Variants in SIN3A observed in about 807,000 individuals in gnomAD.
SIN3A encodes the protein SIN3 transcription regulator family member A.
A neutral mutation model predicts 146.1 loss-of-function variants in SIN3A; 14 were observed. The observed-to-expected ratio is 0.10, with a 90% CI of 0.06 to 0.15. The LOEUF is 0.15. Among genes scored for constraint, SIN3A ranks in the 10% least tolerant of loss-of-function variants. SIN3A has a pLI of 1.00. For synonymous variants in SIN3A, 572 were observed against 572.0 expected (o/e 1.00, Z 0.00); for missense variants, 1,028 against 1,576.0 (o/e 0.65, Z 5.89).
At position 75,376,029 on chromosome 15, in the gene SIN3A, T is replaced by G. The variant is rs573001904; in HGVS notation, c.3384-157A>C. ...TCAGTTGTTTCACTGCAAAAAAAAT[T>G]TCAACTGCAAAGGTACACAGAATAA... On this transcript the variant is annotated intron_variant, in intron 19 of 20. Coordinates refer to ENST00000394947, the MANE Select transcript of SIN3A (RefSeq NM_001145358.2). 56 of 701,700 alleles carry G rather than the reference T, an allele frequency of 8.0e-5. 1 individual carries two copies. The East Asian group carries it at 1.4e-3, about 18-fold the overall frequency. 43.5% of individuals were successfully genotyped at this position (701,700 alleles called of 1,614,324 possible).
intron 1 of SIN3A, among the ~76,000 whole-genome samples, chr15:75,433,841 A>G (rs2074056450): frequency 1.3e-5 from 2 of 152,074 alleles, no homozygotes; most frequent in African/African-American, 4.8e-5. Context: ...CAAACAAACA[A>G]TTACCACTCA....
chr15:75,450,887 G>C (rs2074392347), intron 1 of SIN3A, among the ~76,000 whole-genome samples: 1 of 152,204 alleles, frequency 6.6e-6, no homozygotes, highest in African/African-American at 2.4e-5. Flanking sequence ...GGGTGCAGGG[G>C]GGGACGGCCA....
intron 3 of SIN3A, among the ~76,000 whole-genome samples, chr15:75,415,078 C>T (rs1426135446): frequency 3.9e-5 from 6 of 152,002 alleles, no homozygotes; most frequent in Non-Finnish European, 7.4e-5. Flanking sequence ...TTTTCGTGTA[C>T]GCAATTTGAC....
chr15:75,446,623 CTG>C (rs1045784942), intron 1 of SIN3A, among the ~76,000 whole-genome samples: 5 of 151,956 alleles, frequency 3.3e-5, no homozygotes, highest in African/African-American at 1.2e-4. Context: ...TCTCAAGTAA[CTG>C]GGACTACAGG....
At position 75,371,379 on chromosome 15, in the gene SIN3A, A is replaced by T. The variant is rs900992029; in HGVS notation, c.*600T>A. On this transcript the variant is annotated 3_prime_UTR_variant, in exon 21 of 21. Coordinates refer to ENST00000394947, the MANE Select transcript of SIN3A (RefSeq NM_001145358.2). ...GAGAGAAAAGGGTAGGCAGCAAGGG[A>T]ATCGTCAGGAATAAAATCCACAAGA... 6.6e-6 allele frequency: 1 copy of T among 152,302 alleles called. No individual in the cohort carries two copies. The highest frequency in any genetic ancestry group is 1.5e-5 in the Non-Finnish European group (1 of 68,070). The allele number at this position is 152,302 out of a possible 1,614,324, so 9.4% of individuals were successfully genotyped here. A position where few individuals can be genotyped will look rare whatever the true frequency, so the allele number is the denominator to read the frequency against.
intron 13 of SIN3A, among the ~76,000 whole-genome samples, chr15:75,395,593 G>A (rs2073286448): frequency 6.6e-6 from 1 of 152,194 alleles, no homozygotes; most frequent in African/African-American, 2.4e-5. Flanking sequence ...AGGATTCACA[G>A]TGTGGTCAAT....
At chr15:75,418,003 GATTTT>G (rs1282962642) in intron 3 of SIN3A, among the ~76,000 whole-genome samples, 10 of 151,770 alleles carry the variant, frequency 6.6e-5, no homozygotes, top group Admixed American at 1.3e-4. Context: ...CTGGCACCTG[GATTTT>G]ATTTTATTAT....
chr15:75,433,838 A>C (rs1225947884), intron 1 of SIN3A, among the ~76,000 whole-genome samples: 3 of 152,042 alleles, frequency 2.0e-5, no homozygotes, highest in African/African-American at 7.2e-5. Flanking sequence ...AAACAAACAA[A>C]CAATTACCAC....
chr15:75,444,378 T>C (rs2074268403), intron 1 of SIN3A, among the ~76,000 whole-genome samples: 1 of 151,824 alleles, frequency 6.6e-6, no homozygotes, highest in African/African-American at 2.4e-5. Context: ...GAGGCGGAGG[T>C]TGCAGTGAGC....
intron 1 of SIN3A, chr15:75,443,832 G>T (rs1391075648): frequency 6.6e-6 from 1 of 152,234 alleles, no homozygotes; most frequent in African/African-American, 2.4e-5. Flanking sequence ...GATCACTTGA[G>T]CCCAGAAGTT....
In SIN3A at chr15:75,450,016, G is replaced by A. The variant is rs559084751; in HGVS notation, c.-34+1407C>T. Among the ~76,000 whole-genome samples, 55 of 152,206 alleles carry A rather than the reference G, an allele frequency of 3.6e-4. No individual in the cohort carries two copies. The South Asian group carries it at 3.9e-3, about 11-fold the overall frequency. Reference sequence around the variant, plus strand: ...GCTGGTCTCGAACTCCTGACCTCAAGTGATCCACCTGCCTCGGCCTCCCAA... The same window carrying A: ...GCTGGTCTCGAACTCCTGACCTCAAATGATCCACCTGCCTCGGCCTCCCAA... On this transcript the variant is annotated intron_variant, in intron 1 of 20. Coordinates refer to ENST00000394947, the MANE Select transcript of SIN3A (RefSeq NM_001145358.2).
intron 12 of SIN3A, among the ~76,000 whole-genome samples, chr15:75,399,653 G>A (rs889607315): frequency 6.6e-6 from 1 of 152,240 alleles, no homozygotes; most frequent in African/African-American, 2.4e-5. Context: ...TACTTGCTAA[G>A]GGTAACAATA....
At chr15:75,434,433 T>A (rs1226498941) in intron 1 of SIN3A, among the ~76,000 whole-genome samples, 1 of 151,962 alleles carries the variant, frequency 6.6e-6, no homozygotes, top group Admixed American at 6.6e-5. Flanking sequence ...GCGGATCACT[T>A]GAGGTCAGGA....
At chr15:75,388,047 G>A (rs1314298044) in intron 16 of SIN3A, among the ~76,000 whole-genome samples, 1 of 149,040 alleles carries the variant, frequency 6.7e-6, no homozygotes, top group Non-Finnish European at 1.5e-5. Context: ...ACAGAGGCAT[G>A]CACCCTTCCA....
At chr15:75,394,113 A>ATGTTTTTT (rs2073260194) in intron 14 of SIN3A, among the ~76,000 whole-genome samples, 1 of 152,110 alleles carries the variant, frequency 6.6e-6, no homozygotes, top group Non-Finnish European at 1.5e-5. Context: ...CGGCCTGATT[A>ATGTTTTTT]AGTTCACATA....
intron 20 of SIN3A, 105 bp from the exon 21 acceptor site, chr15:75,372,314 G>T: frequency 1.5e-6 from 1 of 656,852 alleles, no homozygotes. Context: ...GAAAGATGTG[G>T]GCTCAAGTCT....
chr15:75,435,340 G>GA (rs1266402380), intron 1 of SIN3A, among the ~76,000 whole-genome samples: 24 of 152,132 alleles, frequency 1.6e-4, no homozygotes, highest in African/African-American at 5.8e-4. Context: ...AACTATGTAG[G>GA]AATCAGAAAG....
At chr15:75,431,522 G>C (rs936297467) in intron 1 of SIN3A, among the ~76,000 whole-genome samples, 2 of 151,914 alleles carry the variant, frequency 1.3e-5, no homozygotes, top group African/African-American at 2.4e-5. Context: ...AAGAAAAAAG[G>C]CCCCACCACT....
intron 1 of SIN3A, among the ~76,000 whole-genome samples, chr15:75,434,378 G>C (rs994100246): frequency 4.6e-5 from 7 of 152,124 alleles, no homozygotes; most frequent in Admixed American, 2.6e-4. Flanking sequence ...GGCCGGGCGC[G>C]GTGGCTCATG....
Sources: allele counts gnomAD v4.1 joint callset (sites outside exome capture counted in the v4.1 genomes callset), GRCh38; gene constraint gnomAD v4.1.1; transcripts MANE v1.5; gene names NCBI Gene and HGNC (gene_info 2026-07-23, HGNC 2026-07-21).